Variants in WWP2 observed in about 807,000 individuals in gnomAD.
The protein encoded by WWP2 is WW domain containing E3 ubiquitin protein ligase 2.
WWP2 carries 57 observed loss-of-function variants against 121.0 expected under a neutral mutation model. The observed-to-expected ratio is 0.47, with a 90% CI of 0.38 to 0.59. The LOEUF (loss-of-function observed/expected upper bound fraction) is 0.59, where lower values mean the gene tolerates loss of function less well. Among genes scored for constraint, WWP2 ranks in the 20% least tolerant of loss-of-function variants. WWP2 has a pLI of 0.00. For missense variants in WWP2, 962 were observed against 1,158.9 expected (o/e 0.83, Z 2.47); for synonymous variants, 449 against 441.3 (o/e 1.02, Z -0.22).
intron 6 of WWP2, among the ~76,000 whole-genome samples, chr16:69,867,681 T>G (rs905822851): frequency 3.9e-5 from 6 of 152,172 alleles, no homozygotes; most frequent in African/African-American, 1.4e-4. Flanking sequence ...GAGAGGACCT[T>G]GAGTGAGGAC....
chr16:69,869,841 C>A (rs1456603475), intron 6 of WWP2, among the ~76,000 whole-genome samples: 1 of 152,050 alleles, frequency 6.6e-6, no homozygotes, highest in Non-Finnish European at 1.5e-5. Context: ...GGTTCATATC[C>A]CTCAAGGAGC....
At chr16:69,912,070 A>T (rs984766348) in intron 9 of WWP2, among the ~76,000 whole-genome samples, 2 of 152,102 alleles carry the variant, frequency 1.3e-5, no homozygotes, top group African/African-American at 4.8e-5. Context: ...CAGGTGGATC[A>T]TGAAGTCAGG....
At position 69,937,295 on chromosome 16, in the gene WWP2, T is replaced by A; in HGVS notation, c.2238+57T>A. On this transcript the variant is annotated intron_variant, in intron 20 of 23. Transcript: ENST00000359154. The surrounding 1 kb of genome is among the most constrained non-coding windows in gnomAD (Gnocchi z 6.6). ...CCCTGCCTCTGGGGCGATCCTGCTC[T>A]GTGATACGCTCACTGTGTACCCACA... 1 of 1,597,736 alleles carries A rather than the reference T, an allele frequency of 6.3e-7. No homozygotes were observed.
At chr16:69,818,499 G>T (rs986926116) in intron 4 of WWP2, among the ~76,000 whole-genome samples, 1 of 152,134 alleles carries the variant, frequency 6.6e-6, no homozygotes, top group Admixed American at 6.6e-5. Flanking sequence ...GAGCCACGGC[G>T]CCTGACCTCC....
At chr16:69,907,874 T>C (rs1036669316) in intron 8 of WWP2, among the ~76,000 whole-genome samples, 1 of 152,200 alleles carries the variant, frequency 6.6e-6, no homozygotes, top group Non-Finnish European at 1.5e-5. Context: ...ACTCTGTAAA[T>C]GAATCTTATA....
rs34269202 is a variant in WWP2, at chr16:69,914,071, C to CAAAA, written c.1005-3612_1005-3609dup. Among the ~76,000 whole-genome samples, 175 of 32,196 alleles carry CAAAA rather than the reference C, an allele frequency of 5.4e-3. 4 individuals are homozygous for CAAAA. Among genetic ancestry groups the CAAAA allele is most frequent in the African/African-American group, 6.8e-3 (60 of 8,828 alleles). The allele number at this position is 32,196 out of a possible 152,430, so 21.1% of individuals were successfully genotyped here. A position where few individuals can be genotyped will look rare whatever the true frequency, so the allele number is the denominator to read the frequency against. Reference sequence around the variant, plus strand: ...TGGGCGACAGAGCGAGACTCTGTCTCAAAAAAAAAAAAAAAAAAAAAAAAA... The same window carrying CAAAA: ...TGGGCGACAGAGCGAGACTCTGTCTCAAAAAAAAAAAAAAAAAAAAAAAAAAAAA... On this transcript the variant is annotated intron_variant, in intron 9 of 23. Transcript: ENST00000359154.
At chr16:69,883,218 G>A (rs1323397383) in intron 7 of WWP2, among the ~76,000 whole-genome samples, 4 of 151,980 alleles carry the variant, frequency 2.6e-5, no homozygotes, top group Non-Finnish European at 2.9e-5. Context: ...CCTTGTCTTC[G>A]ACAATCCAGT....
At chr16:69,781,282 G>A (rs988611865) in intron 1 of WWP2, among the ~76,000 whole-genome samples, 1 of 152,034 alleles carries the variant, frequency 6.6e-6, no homozygotes, top group Non-Finnish European at 1.5e-5. Flanking sequence ...AGAGGGGTGT[G>A]GAAATGGGGG....
chr16:69,870,276 T>A (rs1335551667), intron 6 of WWP2, among the ~76,000 whole-genome samples: 1 of 150,710 alleles, frequency 6.6e-6, no homozygotes, highest in Non-Finnish European at 1.5e-5. Context: ...GTAGCCATTA[T>A]TATTACCTTT....
At chr16:69,846,932 C>T (rs1005978783) in intron 6 of WWP2, among the ~76,000 whole-genome samples, 2 of 152,026 alleles carry the variant, frequency 1.3e-5, no homozygotes. Context: ...CTTGCTCTGT[C>T]ACCCTGGCTA....
At chr16:69,912,312 C>A (rs557171198) in intron 9 of WWP2, among the ~76,000 whole-genome samples, 1 of 151,052 alleles carries the variant, frequency 6.6e-6, no homozygotes, top group East Asian at 2.0e-4. Context: ...AAAACAAAAC[C>A]TCATTGGTTT....
Position 69,764,128 on chromosome 16 carries a change from G to A in WWP2, c.-16+1737G>A, listed in dbSNP as rs114802511. On this transcript the variant is annotated intron_variant, in intron 1 of 23. Transcript: ENST00000359154. ...ACTTTAGATTTCAGAGCTAGTAAAT[G>A]AGTAGGGACTCAAGCCCAGACCCTT... Among the ~76,000 whole-genome samples, 851 of 152,320 alleles carry A rather than the reference G, an allele frequency of 5.6e-3. 7 individuals are homozygous for A. The highest frequency in any genetic ancestry group is 0.019 in the African/African-American group (798 of 41,582).
intron 8 of WWP2, among the ~76,000 whole-genome samples, chr16:69,897,935 CA>C (rs1026790009): frequency 6.0e-5 from 9 of 149,148 alleles, no homozygotes; most frequent in Admixed American, 4.0e-4. Context: ...CAAAACAAAA[CA>C]AAAAAAACAC....
At chr16:69,797,818 G>A (rs1277381319) in intron 2 of WWP2, among the ~76,000 whole-genome samples, 1 of 152,112 alleles carries the variant, frequency 6.6e-6, no homozygotes, top group African/African-American at 2.4e-5. Flanking sequence ...AACCTGGGAG[G>A]CAGAGGTTGC....
chr16:69,830,245 A>G (rs910810935), intron 4 of WWP2, among the ~76,000 whole-genome samples: 8 of 151,942 alleles, frequency 5.3e-5, no homozygotes, highest in African/African-American at 1.7e-4. Context: ...GACAACCACC[A>G]TGCCCGGCCT....
chr16:69,820,173 C>A (rs1258300312), intron 4 of WWP2, among the ~76,000 whole-genome samples: 1 of 152,152 alleles, frequency 6.6e-6, no homozygotes, highest in Non-Finnish European at 1.5e-5. Context: ...GTCGAGGATG[C>A]AGTGAACTGT....
chr16:69,796,857 T>G (rs910907387), intron 2 of WWP2, among the ~76,000 whole-genome samples: 1 of 152,250 alleles, frequency 6.6e-6, no homozygotes, highest in Non-Finnish European at 1.5e-5. Flanking sequence ...CTTCTGTTCC[T>G]TTGGGGCCAG....
At position 69,908,743 on chromosome 16, in the gene WWP2, C is replaced by T. The variant is rs1001056240; in HGVS notation, c.915-18C>T. ...TTTCCACTGTGTGTCTCATGCTACC[C>T]TTGACTTTATTTTTCAGATGGGAAC... is the stretch of plus-strand genomic sequence containing the variant. On this transcript the variant is annotated intron_variant, in intron 8 of 23. Transcript: ENST00000359154. 3.1e-6 allele frequency: 5 copies of T among 1,613,752 alleles called. No homozygotes were observed. Among genetic ancestry groups the T allele is most frequent in the Admixed American group, 1.7e-5 (1 of 59,996 alleles).
chr16:69,801,990 C>T (rs935390526), intron 4 of WWP2, among the ~76,000 whole-genome samples: 8 of 151,538 alleles, frequency 5.3e-5, no homozygotes, highest in Non-Finnish European at 1.0e-4. Context: ...AGTGCAGTGG[C>T]GCGATCTTGG....
Sources: allele counts gnomAD v4.1 joint callset (sites outside exome capture counted in the v4.1 genomes callset), GRCh38; gene constraint gnomAD v4.1.1; non-coding constraint Gnocchi (gnomAD v3.1); transcripts MANE v1.5; gene names NCBI Gene and HGNC (gene_info 2026-07-23, HGNC 2026-07-21).